Variants in EFNA5 observed in about 807,000 individuals in gnomAD.
EFNA5 encodes the protein ephrin-A5.
A neutral mutation model predicts 22.9 loss-of-function variants in EFNA5; 5 were observed. That is an observed-to-expected ratio of 0.22 (90% CI 0.11 to 0.46). The LOEUF (loss-of-function observed/expected upper bound fraction) is 0.46. EFNA5 is among the 20% of genes least tolerant of loss of function. The pLI is 0.99. For synonymous variants in EFNA5, 113 were observed against 112.2 expected, an observed-to-expected ratio of 1.01 and a Z score of -0.04; for missense variants, 237 against 293.3, an observed-to-expected ratio of 0.81 and a Z score of 1.40.
Position 107,592,006 on chromosome 5 carries a change from AAT to A in EFNA5, c.125+78481_125+78482del, listed in dbSNP as rs1467521622. Reference sequence around the variant, plus strand: ...ATAATATATAATATATATAATATATAATATATATAATATAATATATATTATAT... The same window carrying A: ...ATAATATATAATATATATAATATATAATATATAATATAATATATATTATAT... On this transcript the variant is annotated intron_variant, in intron 1 of 4. Coordinates refer to ENST00000333274, the MANE Select transcript of EFNA5 (RefSeq NM_001962.3). 1.8e-4 allele frequency among the ~76,000 whole-genome samples: 8 copies of A among 44,290 alleles called. 1 individual carries two copies. Among genetic ancestry groups the A allele is most frequent in the African/African-American group, 1.1e-3 (8 of 7,188 alleles). 29.1% of individuals were successfully genotyped at this position (44,290 alleles called of 152,430 possible).
At chr5:107,544,911 C>T (rs1164271720) in intron 1 of EFNA5, among the ~76,000 whole-genome samples, 1 of 152,176 alleles carries the variant, frequency 6.6e-6, no homozygotes, top group African/African-American at 2.4e-5. Context: ...CTACCATCAT[C>T]TCTGATCATT....
intron 1 of EFNA5, among the ~76,000 whole-genome samples, chr5:107,470,637 C>A (rs755178452): frequency 1.5e-4 from 23 of 152,198 alleles, no homozygotes; most frequent in Non-Finnish European, 2.9e-4. Context: ...TCAATTTCGG[C>A]ACTCCTTCAA....
In EFNA5 at chr5:107,419,930, G is replaced by A. The variant is rs1451121928; in HGVS notation, c.418+7287C>T. On this transcript the variant is annotated intron_variant, in intron 2 of 4. Transcript: ENST00000333274. ...GTCAGAAAGTACATTGTACTTACAA[G>A]TCATTTCCCCTGCAAGAGTAAAAGA... 3.3e-5 allele frequency among the ~76,000 whole-genome samples: 5 copies of A among 152,236 alleles called. No homozygotes were observed. The East Asian group carries it at 9.7e-4, about 29-fold the overall frequency.
chr5:107,561,953 C>A (rs1276390295), intron 1 of EFNA5, among the ~76,000 whole-genome samples: 1 of 152,026 alleles, frequency 6.6e-6, no homozygotes, highest in Non-Finnish European at 1.5e-5. Context: ...ACGTAAGGAA[C>A]CGAATGCAGT....
chr5:107,655,768 A>G (rs1750806998), intron 1 of EFNA5, among the ~76,000 whole-genome samples: 1 of 152,156 alleles, frequency 6.6e-6, no homozygotes, highest in African/African-American at 2.4e-5. Flanking sequence ...ATGCTATAGG[A>G]AAGCAGCCCT....
intron 1 of EFNA5, among the ~76,000 whole-genome samples, chr5:107,599,884 C>A (rs569441707): frequency 6.6e-6 from 1 of 152,282 alleles, no homozygotes; most frequent in South Asian, 2.1e-4. Flanking sequence ...ATGGCAGCTG[C>A]CTTTAGGCAG....
At position 107,426,799 on chromosome 5, in the gene EFNA5, C is replaced by T. The variant is rs560792272; in HGVS notation, c.418+418G>A. Among the ~76,000 whole-genome samples, 12 of 152,318 alleles carry T rather than the reference C, an allele frequency of 7.9e-5. 1 individual carries two copies. In the South Asian group the frequency reaches 2.3e-3, roughly 29 times the overall value. On this transcript the variant is annotated intron_variant, in intron 2 of 4. Coordinates refer to ENST00000333274, the MANE Select transcript of EFNA5 (RefSeq NM_001962.3). ...ATGCTGACATGTCCAGGAGTTTTGG[C>T]TTCCTCCACTGAAAATGTGGAAGAT...
chr5:107,449,710 G>T (rs1749501661), intron 1 of EFNA5, among the ~76,000 whole-genome samples: 1 of 152,152 alleles, frequency 6.6e-6, no homozygotes, highest in African/African-American at 2.4e-5. Context: ...TCCTGACAGA[G>T]GAATATAAAT....
In EFNA5 at chr5:107,504,218, G is replaced by A. The variant is rs572182419; in HGVS notation, c.126-76709C>T. On this transcript the variant is annotated intron_variant, in intron 1 of 4. Transcript: ENST00000333274. ...GTATTTTTTAAATTAACTAAAAAAA[G>A]AGCTTCATTCTTAAGGTTTGAATTA... Among the ~76,000 whole-genome samples the A allele has an allele frequency of 1.2e-4, 19 of 152,222 alleles. No homozygotes were observed. The South Asian group carries it at 3.7e-3, about 30-fold the overall frequency.
rs756694630 is a variant in EFNA5 at position 107,670,590 on chromosome 5, C to G, written c.24G>C (p.Thr8=). The change falls in exon 1 of 5, where the codon ACG becomes ACC. Residue 8 remains threonine, a synonymous_variant. Coordinates refer to ENST00000333274, the MANE Select transcript of EFNA5 (RefSeq NM_001962.3). MLHVEML[T]LVFLVLWMCV... is the part of the protein sequence containing the mutation. ...ACATCCAGAGCACCAGAAACACCAG[C>G]GTCAACATCTCCACGTGCAACATCA... 1 of 1,604,114 alleles carries G rather than the reference C, an allele frequency of 6.2e-7. No individual in the cohort carries two copies. Among genetic ancestry groups the G allele is most frequent in the East Asian group, 2.3e-5 (1 of 43,894 alleles).
intron 2 of EFNA5, among the ~76,000 whole-genome samples, chr5:107,395,334 T>C (rs1270286611): frequency 6.6e-6 from 1 of 152,106 alleles, no homozygotes; most frequent in African/African-American, 2.4e-5. Context: ...CCACCATGCC[T>C]GGCCCATTTC....
intron 1 of EFNA5, among the ~76,000 whole-genome samples, chr5:107,567,981 C>T (rs1454907784): frequency 6.6e-6 from 1 of 152,220 alleles, no homozygotes; most frequent in Admixed American, 6.5e-5. Context: ...ACTGCAGCCT[C>T]GACCTCCTGG....
intron 1 of EFNA5, among the ~76,000 whole-genome samples, chr5:107,480,257 T>C (rs1030831092): frequency 2.6e-5 from 4 of 152,240 alleles, no homozygotes; most frequent in African/African-American, 9.6e-5. Context: ...CATAAATCAA[T>C]GTATTGCTAA....
At chr5:107,478,459 CAG>C (rs1224154359) in intron 1 of EFNA5, among the ~76,000 whole-genome samples, 1 of 152,164 alleles carries the variant, frequency 6.6e-6, no homozygotes, top group African/African-American at 2.4e-5. Flanking sequence ...GATATCTACA[CAG>C]ATGTCGGGAG....
chr5:107,523,265 T>C (rs1445374854), intron 1 of EFNA5, among the ~76,000 whole-genome samples: 2 of 152,306 alleles, frequency 1.3e-5, no homozygotes, highest in South Asian at 2.1e-4. Flanking sequence ...CATGATATCA[T>C]TCAGTTATGA....
At chr5:107,442,876 C>A (rs997566300) in intron 1 of EFNA5, among the ~76,000 whole-genome samples, 1 of 149,756 alleles carries the variant, frequency 6.7e-6, no homozygotes, top group Non-Finnish European at 1.5e-5. Flanking sequence ...GGTATTTCCC[C>A]CCAAGACAGA....
chr5:107,667,346 C>T (rs895108918), intron 1 of EFNA5, among the ~76,000 whole-genome samples: 1 of 152,018 alleles, frequency 6.6e-6, no homozygotes, highest in African/African-American at 2.4e-5. Flanking sequence ...TACCTGGGTA[C>T]ATAGATTGTA....
intron 1 of EFNA5, among the ~76,000 whole-genome samples, chr5:107,529,312 C>T (rs1472358419): frequency 6.6e-6 from 1 of 152,040 alleles, no homozygotes; most frequent in Non-Finnish European, 1.5e-5. Flanking sequence ...GTAGTGAAGT[C>T]CCCCCTACCC....
rs536951657 is a variant in EFNA5, at chr5:107,559,107, G to A, written c.125+111382C>T. On this transcript the variant is annotated intron_variant, in intron 1 of 4. Coordinates refer to ENST00000333274, the MANE Select transcript of EFNA5 (RefSeq NM_001962.3). Reference sequence around the variant, plus strand: ...CTGACACAGTTTCGTAAATCACTGGGATGGTGAATGGCCAGGACTAGGGCC... The same window carrying A: ...CTGACACAGTTTCGTAAATCACTGGAATGGTGAATGGCCAGGACTAGGGCC... 2.4e-4 allele frequency among the ~76,000 whole-genome samples: 36 copies of A among 152,248 alleles called. No homozygotes were observed. In the South Asian group the frequency reaches 4.8e-3, roughly 20 times the overall value.
Sources: gnomAD v4.1 joint callset for allele counts (sites outside exome capture counted in the v4.1 genomes callset) on GRCh38, gnomAD v4.1.1 for gene constraint, MANE v1.5 for transcripts, NCBI Gene and HGNC (gene_info 2026-07-23, HGNC 2026-07-21) for gene names.